The following TRAPPC2L variants were observed in gnomAD, a reference collection of about 807,000 sequenced individuals.
TRAPPC2L encodes the protein trafficking protein particle complex subunit 2-like protein.
Under a neutral mutation model 13.2 loss-of-function variants are expected in TRAPPC2L, and 17 were observed. The ratio of observed to expected loss-of-function variants is 1.29; its 90% CI spans 0.88 to 1.93. The LOEUF is 1.93. TRAPPC2L is among the 30% of genes most tolerant of loss of function. The probability of loss-of-function intolerance (pLI) is 0.00; values close to 1 mark genes in which losing one functional copy is unlikely to be tolerated. For synonymous variants in TRAPPC2L, 150 were observed against 98.1 expected (o/e 1.53, Z -3.12); for missense variants, 359 against 252.1 (o/e 1.42, Z -2.87).
At chr16:88,858,678 G>GGAC in exon 2 of TRAPPC2L, 3 of 1,613,568 alleles carry the variant, frequency 1.9e-6, no homozygotes, top group Non-Finnish European at 2.5e-6. Context: ...TCCACTACAT[G>GGAC]GTGCACACAT....
At position 88,858,803 on chromosome 16, in the gene TRAPPC2L, G is replaced by T; in HGVS notation, c.206+12G>T. ...GAGGACTACAAGGTGTATCTTTCAG[G>T]GCAGGGTGTGTGTCAGGGAGGACCT... On this transcript the variant is annotated intron_variant, in intron 2 of 3. Transcript: ENST00000565504. The T allele has an allele frequency of 6.2e-7, 1 of 1,610,340 alleles. No individual in the cohort carries two copies.
chr16:88,858,720 A>G (rs1366165305), exon 2 of TRAPPC2L: 5 of 1,613,522 alleles, frequency 3.1e-6, no homozygotes, highest in Non-Finnish European at 8.5e-7. Flanking sequence ...AGATCTCCGC[A>G]ATGGGGAAGG....
At chr16:88,860,853 T>C (rs753880472) in exon 4 of TRAPPC2L, 27 of 1,540,252 alleles carry the variant, frequency 1.8e-5, no homozygotes, top group Admixed American at 1.9e-5. Context: ...GCCCGGCCCG[T>C]CTCTGAGCAG....
Position 88,859,980 on chromosome 16 carries a change from C to G in TRAPPC2L, c.382C>G (p.Leu128Val). The G allele has an allele frequency of 6.2e-7, 1 of 1,608,168 alleles. No individual in the cohort carries two copies. The highest frequency in any genetic ancestry group is 1.4e-5 in the African/African-American group (1 of 73,682). The change falls in exon 4 of 4, where the codon CTA becomes GTA. Residue 128 changes from leucine (L) to valine (V), a missense_variant. Coordinates refer to ENST00000565504, the Ensembl canonical transcript of TRAPPC2L. ...GGACCGCATCCAGTCCAGGTGGGCC[C>G]TACTTTCTGTGTCTTGCCACCTTCT... is the stretch of plus-strand genomic sequence containing the variant.
At chr16:88,856,757 C>T (rs911877265), upstream of TRAPPC2L, 1 of 1,525,564 alleles carries the variant, frequency 6.6e-7, no homozygotes, top group Non-Finnish European at 8.8e-7. Context: ...CCCGCACTCA[C>T]GTCGTCCATG....
chr16:88,860,563 G>A (rs1968315206), exon 4 of TRAPPC2L: 1 of 591,530 alleles, frequency 1.7e-6, no homozygotes, highest in African/African-American at 1.9e-5. Flanking sequence ...ACACTGTCTT[G>A]GGGCCATCCT....
At position 88,859,940 on chromosome 16, in the gene TRAPPC2L, C is replaced by T. The variant is rs1414016959; in HGVS notation, c.342C>T (p.Pro114=). Reference sequence around the variant, plus strand: ...CCTACACAGACGTGATGTGCAACCCCTTCTACAACCCGGGGGACCGCATCC... The same window carrying T: ...CCTACACAGACGTGATGTGCAACCCTTTCTACAACCCGGGGGACCGCATCC... Residue 114 remains proline, a synonymous_variant, in exon 4 of 4, where the codon CCC becomes CCT. Coordinates refer to ENST00000565504, the Ensembl canonical transcript of TRAPPC2L. 2.6e-6 allele frequency: 4 copies of T among 1,526,372 alleles called. No individual in the cohort carries two copies. In the Admixed American group the frequency reaches 7.1e-5, roughly 27 times the overall value. 94.6% of individuals were successfully genotyped at this position (1,526,372 alleles called of 1,614,324 possible). A position where few individuals can be genotyped will look rare whatever the true frequency, so the allele number is the denominator to read the frequency against.
At chr16:88,860,377 G>A in exon 4 of TRAPPC2L, 4 of 635,286 alleles carry the variant, frequency 6.3e-6, no homozygotes, top group South Asian at 3.6e-5. Flanking sequence ...GGTGTCTTCC[G>A]AATAGTCCAC....
chr16:88,856,896 G>T (rs1186737850), upstream of TRAPPC2L: 5 of 1,502,274 alleles, frequency 3.3e-6, no homozygotes, highest in African/African-American at 1.5e-5. Flanking sequence ...CGGGAGCCGC[G>T]GAGCCCCGGC....
chr16:88,857,040 G>A, upstream of TRAPPC2L: 2 of 1,429,742 alleles, frequency 1.4e-6, no homozygotes, highest in South Asian at 2.9e-5. Flanking sequence ...ACTGCCTCGT[G>A]ACCAGTGGGG....
At chr16:88,861,036 C>T in exon 4 of TRAPPC2L, 2 of 1,458,730 alleles carry the variant, frequency 1.4e-6, no homozygotes, top group Non-Finnish European at 1.9e-6. Context: ...CTGGTTGCCT[C>T]TTCCTGAATG....
exon 2 of TRAPPC2L, chr16:88,858,716 C>T (rs748000711): frequency 1.2e-6 from 2 of 1,613,602 alleles, no homozygotes; most frequent in Non-Finnish European, 1.7e-6. Context: ...GAGAAGATCT[C>T]CGCAATGGGG....
rs377179435 is a variant in TRAPPC2L at position 88,858,801 on chromosome 16, A to C, written c.206+10A>C. On this transcript the variant is annotated intron_variant, in intron 2 of 3. Transcript: ENST00000565504. ...CGGAGGACTACAAGGTGTATCTTTCAGGGCAGGGTGTGTGTCAGGGAGGAC... is the reference window on the plus strand; with the variant it reads ...CGGAGGACTACAAGGTGTATCTTTCCGGGCAGGGTGTGTGTCAGGGAGGAC... 1.2e-6 allele frequency: 2 copies of C among 1,611,404 alleles called. No homozygotes were observed. The highest frequency in any genetic ancestry group is 2.2e-5 in the South Asian group (2 of 90,950).
At chr16:88,858,832 G>T (rs1330650554) in intron 2 of TRAPPC2L, 41 bp downstream of exon 2, 1 of 1,579,950 alleles carries the variant, frequency 6.3e-7, no homozygotes, top group African/African-American at 1.4e-5. Flanking sequence ...AGGACCTACA[G>T]TTGCAAGATG....
At chr16:88,861,322 C>T in exon 4 of TRAPPC2L, 1 of 372,140 alleles carries the variant, frequency 2.7e-6, no homozygotes, top group Non-Finnish European at 5.2e-6. Flanking sequence ...ACTGGCTGAA[C>T]AGGTGGGCTG....
At chr16:88,859,896 T>C (rs747075962) in exon 4 of TRAPPC2L, 1 of 1,554,416 alleles carries the variant, frequency 6.4e-7, no homozygotes, top group East Asian at 2.3e-5. Flanking sequence ...TTTTCAGATG[T>C]TCCGGAAGCT....
At chr16:88,858,649 A>G (rs1333736680) in exon 2 of TRAPPC2L, 7 of 1,613,254 alleles carry the variant, frequency 4.3e-6, no homozygotes, top group Middle Eastern at 1.6e-4. Context: ...CAGCACCCCT[A>G]CGGAGAACGA....
chr16:88,861,015 G>C (rs753830918), exon 4 of TRAPPC2L: 4 of 1,532,858 alleles, frequency 2.6e-6, no homozygotes, highest in African/African-American at 1.4e-5. Context: ...TGGTGGGGCC[G>C]TCGGTCTGTT....
chr16:88,861,708 C>T (rs1438379622), exon 4 of TRAPPC2L: 5 of 470,802 alleles, frequency 1.1e-5, no homozygotes, highest in Non-Finnish European at 2.2e-5. Context: ...CCTTGGGGTC[C>T]AGCGGTCAAG....
Sources: gnomAD v4.1 joint callset for allele counts on GRCh38, gnomAD v4.1.1 for gene constraint, MANE v1.5 for transcripts, NCBI Gene and HGNC (gene_info 2026-07-23, HGNC 2026-07-21) for gene names.